Variants in NSL1 observed in about 807,000 individuals in gnomAD.
The protein encoded by NSL1 is kinetochore-associated protein NSL1 homolog.
A neutral mutation model predicts 25.4 loss-of-function variants in NSL1; 11 were observed. That is an observed-to-expected ratio of 0.43 (90% CI 0.27 to 0.72). The LOEUF (loss-of-function observed/expected upper bound fraction) is 0.72. Ranked by LOEUF, NSL1 falls within the 30% of genes least tolerant of loss-of-function variation. NSL1 has a pLI of 0.19. For missense variants in NSL1, 330 were observed against 342.7 expected (o/e 0.96, Z 0.29); for synonymous variants, 118 against 120.6 (o/e 0.98, Z 0.14).
At chr1:212,750,766 C>T (rs919643209) in intron 4 of NSL1, among the ~76,000 whole-genome samples, 4 of 151,850 alleles carry the variant, frequency 2.6e-5, no homozygotes, top group African/African-American at 9.7e-5. Context: ...ATGGTGAAAC[C>T]CTGTCTCTAC....
chr1:212,727,508 T>C lies in NSL1; in HGVS notation c.*10900A>G, dbSNP rs910424287. The C allele has an allele frequency of 1.0e-5, 10 of 985,354 alleles. No homozygotes were observed. The highest frequency in any genetic ancestry group is 1.2e-5 in the Non-Finnish European group (10 of 829,934). The allele number at this position is 985,354 out of a possible 1,614,324, so 61.0% of individuals were successfully genotyped here. ...CGATTCCTTTTGCAATTTAGGTTAATATCATAACTATACCACTGGAGAGAA... is the reference window on the plus strand; with the variant it reads ...CGATTCCTTTTGCAATTTAGGTTAACATCATAACTATACCACTGGAGAGAA... On this transcript the variant is annotated 3_prime_UTR_variant, in exon 6 of 6. Coordinates refer to ENST00000366977, the MANE Select transcript of NSL1 (RefSeq NM_015471.4).
rs34216305 is a variant in NSL1 at position 212,761,971 on chromosome 1, T to TA, written c.499+20400dup. Among the ~76,000 whole-genome samples the TA allele has an allele frequency of 7.9e-3, 834 of 105,642 alleles. 11 individuals carry two copies. Among genetic ancestry groups the TA allele is most frequent in the East Asian group, 0.05 (185 of 3,686 alleles). 69.3% of individuals were successfully genotyped at this position (105,642 alleles called of 152,430 possible). On this transcript the variant is annotated intron_variant, in intron 4 of 5. Coordinates refer to ENST00000366977, the MANE Select transcript of NSL1 (RefSeq NM_015471.4). The stretch of plus-strand genomic sequence containing the variant: ...GTAACACTAATGACAGCTGATGAGC[T>TA]AAAAAAAAAAAAAAAAAAAAAAATC...
intron 4 of NSL1, among the ~76,000 whole-genome samples, chr1:212,749,277 ATTG>A (rs1482357616): frequency 1.3e-5 from 2 of 149,112 alleles, no homozygotes; most frequent in East Asian, 3.9e-4. Context: ...TTGTTATTAT[ATTG>A]TTTACATTAC....
intron 4 of NSL1, among the ~76,000 whole-genome samples, chr1:212,781,298 G>T (rs915578521): frequency 2.6e-5 from 4 of 152,044 alleles, no homozygotes; most frequent in African/African-American, 9.7e-5. Context: ...TTCTTTAGAG[G>T]GAAATTAACT....
chr1:212,787,821 G>T (rs919343900), intron 1 of NSL1, among the ~76,000 whole-genome samples, 184 bp from the exon 2 acceptor site: 20 of 151,866 alleles, frequency 1.3e-4, no homozygotes, highest in Non-Finnish European at 2.4e-4. Flanking sequence ...CTACATTTTG[G>T]GTCTCATAGC....
intron 4 of NSL1, among the ~76,000 whole-genome samples, chr1:212,753,222 T>G (rs1659149250): frequency 6.6e-6 from 1 of 152,226 alleles, no homozygotes; most frequent in Non-Finnish European, 1.5e-5. Flanking sequence ...GCACCTCTCT[T>G]AAGGCACACT....
At chr1:212,748,987 C>T (rs1414878110) in intron 4 of NSL1, among the ~76,000 whole-genome samples, 1 of 151,894 alleles carries the variant, frequency 6.6e-6, no homozygotes, top group Non-Finnish European at 1.5e-5. Flanking sequence ...TACATGAAAA[C>T]ATAATAGGCA....
chr1:212,761,616 T>C (rs1333504317), intron 4 of NSL1, among the ~76,000 whole-genome samples: 1 of 151,896 alleles, frequency 6.6e-6, no homozygotes, highest in African/African-American at 2.4e-5. Flanking sequence ...CCTGGGACCC[T>C]GTCTGAAAAA....
chr1:212,782,051 G>A (rs768399714), intron 4 of NSL1: 7 of 584,308 alleles, frequency 1.2e-5, no homozygotes, highest in Admixed American at 7.5e-5. Flanking sequence ...AGCTTTGGCT[G>A]TAATGCAAAG....
chr1:212,726,333 A>C lies in NSL1; in HGVS notation c.*12075T>G, dbSNP rs1440084767. The C allele has an allele frequency of 2.0e-5, 3 of 152,250 alleles. No homozygotes were observed. The highest frequency in any genetic ancestry group is 4.4e-5 in the Non-Finnish European group (3 of 68,068). 9.4% of individuals were successfully genotyped at this position (152,250 alleles called of 1,614,324 possible). A position where few individuals can be genotyped will look rare whatever the true frequency, so the allele number is the denominator to read the frequency against. On this transcript the variant is annotated 3_prime_UTR_variant, in exon 6 of 6. Coordinates refer to ENST00000366977, the MANE Select transcript of NSL1 (RefSeq NM_015471.4). ...CTACTCAGTAGGAAGAAAAAAACCC[A>C]CAAAACAATAGCATTAGTTCAGTTC... is the stretch of plus-strand genomic sequence containing the variant.
Position 212,736,710 on chromosome 1 carries a change from AT to A in NSL1, c.*1697del, listed in dbSNP as rs1415346739. On this transcript the variant is annotated 3_prime_UTR_variant, in exon 6 of 6. Transcript: ENST00000366977. ...AAATATAACCATTTTTTAAAAACTT[AT>A]AAAAATTTCCAACACAAAGTAGAAT... 1 of 984,416 alleles carries A rather than the reference AT, an allele frequency of 1.0e-6. No individual in the cohort carries two copies. Among genetic ancestry groups the A allele is most frequent in the Non-Finnish European group, 1.2e-6 (1 of 829,092 alleles). The allele number at this position is 984,416 out of a possible 1,614,324, so 61.0% of individuals were successfully genotyped here.
At chr1:212,786,818 A>T (rs1017297220) in intron 2 of NSL1, among the ~76,000 whole-genome samples, 1 of 152,184 alleles carries the variant, frequency 6.6e-6, no homozygotes, top group Admixed American at 6.5e-5. Context: ...AAGAAAGAAA[A>T]GAAAAATTGA....
In NSL1 at chr1:212,731,625, A is replaced by G; in HGVS notation, c.*6783T>C. On this transcript the variant is annotated 3_prime_UTR_variant, in exon 6 of 6. Coordinates refer to ENST00000366977, the MANE Select transcript of NSL1 (RefSeq NM_015471.4). The stretch of plus-strand genomic sequence containing the variant: ...CCAGTTCCCCCACCTAAGTTCATCC[A>G]CAGAGTTAATACTTCCCACTTCGTC... 2 of 985,406 alleles carry G rather than the reference A, an allele frequency of 2.0e-6. No homozygotes were observed. Among genetic ancestry groups the G allele is most frequent in the Non-Finnish European group, 2.4e-6 (2 of 829,928 alleles). 61.0% of individuals were successfully genotyped at this position (985,406 alleles called of 1,614,324 possible). A position where few individuals can be genotyped will look rare whatever the true frequency, so the allele number is the denominator to read the frequency against.
chr1:212,789,046 T>G (rs1032696731), intron 1 of NSL1, among the ~76,000 whole-genome samples: 1 of 152,200 alleles, frequency 6.6e-6, no homozygotes, highest in African/African-American at 2.4e-5. Context: ...ACTCAAAGAA[T>G]TTTGCTTTAT....
chr1:212,786,430 AG>A (rs1213137562), intron 2 of NSL1, among the ~76,000 whole-genome samples: 2 of 151,938 alleles, frequency 1.3e-5, no homozygotes, highest in African/African-American at 2.4e-5. Flanking sequence ...AAAAAAAAAA[AG>A]AAAAGTCTCC....
Position 212,760,242 on chromosome 1 carries a change from C to T in NSL1, c.500-20641G>A, listed in dbSNP as rs961365216. On this transcript the variant is annotated intron_variant, in intron 4 of 5. Coordinates refer to ENST00000366977, the MANE Select transcript of NSL1 (RefSeq NM_015471.4). The surrounding 1 kb of genome is among the most constrained non-coding windows in gnomAD (Gnocchi z 4.3). Reference sequence around the variant, plus strand: ...ACCAAGGGCAAAGGGATAGCCCTGCCCTGCCCACCACAACTTTAGGCACAC... The same window carrying T: ...ACCAAGGGCAAAGGGATAGCCCTGCTCTGCCCACCACAACTTTAGGCACAC... 6.6e-6 allele frequency among the ~76,000 whole-genome samples: 1 copy of T among 152,058 alleles called. No individual in the cohort carries two copies. The highest frequency in any genetic ancestry group is 6.5e-5 in the Admixed American group (1 of 15,274).
At chr1:212,778,673 T>C (rs1422796847) in intron 4 of NSL1, among the ~76,000 whole-genome samples, 2 of 152,098 alleles carry the variant, frequency 1.3e-5, no homozygotes, top group Non-Finnish European at 2.9e-5. Flanking sequence ...GGTGCCGGGA[T>C]TGCAGACGGA....
chr1:212,736,762 A>C lies in NSL1; in HGVS notation c.*1646T>G, dbSNP rs1658247912. ...ATAGTCATTACACAGATTCAACATT[A>C]ACAGGATTTTTGTCACATTTCCTTA... On this transcript the variant is annotated 3_prime_UTR_variant, in exon 6 of 6. Coordinates refer to ENST00000366977, the MANE Select transcript of NSL1 (RefSeq NM_015471.4). 14 of 984,562 alleles carry C rather than the reference A, an allele frequency of 1.4e-5. No homozygotes were observed. Among genetic ancestry groups the C allele is most frequent in the Non-Finnish European group, 1.7e-5 (14 of 829,240 alleles). The allele number at this position is 984,562 out of a possible 1,614,324, so 61.0% of individuals were successfully genotyped here.
Position 212,729,006 on chromosome 1 carries a change from C to A in NSL1, c.*9402G>T. 9 of 985,322 alleles carry A rather than the reference C, an allele frequency of 9.1e-6. No individual in the cohort carries two copies. Among genetic ancestry groups the A allele is most frequent in the Non-Finnish European group, 1.1e-5 (9 of 829,862 alleles). The allele number at this position is 985,322 out of a possible 1,614,324, so 61.0% of individuals were successfully genotyped here. ...TTAGTAAGGAGGATTTCTAAAGAAGCAGTCATTTGTCAATCTGAAATTTTT... is the reference window on the plus strand; with the variant it reads ...TTAGTAAGGAGGATTTCTAAAGAAGAAGTCATTTGTCAATCTGAAATTTTT... On this transcript the variant is annotated 3_prime_UTR_variant, in exon 6 of 6. Coordinates refer to ENST00000366977, the MANE Select transcript of NSL1 (RefSeq NM_015471.4).
Sources: allele counts gnomAD v4.1 joint callset (sites outside exome capture counted in the v4.1 genomes callset), GRCh38; gene constraint gnomAD v4.1.1; non-coding constraint Gnocchi (gnomAD v3.1); transcripts MANE v1.5; gene names NCBI Gene and HGNC (gene_info 2026-07-23, HGNC 2026-07-21).